The following DSTYK variants were observed in gnomAD, a reference collection of about 807,000 sequenced individuals.
The protein encoded by DSTYK is RIP-homologous kinase.
In DSTYK, 34 loss-of-function variants were observed where a neutral mutation model predicts 98.7. The ratio of observed to expected loss-of-function variants is 0.34; its 90% CI spans 0.26 to 0.46. The LOEUF is 0.46. DSTYK is among the 20% of genes least tolerant of loss of function. The pLI is 1.00. For synonymous variants in DSTYK, 462 were observed against 457.3 expected, an observed-to-expected ratio of 1.01 and a Z score of -0.13; for missense variants, 962 against 1,181.7, an observed-to-expected ratio of 0.81 and a Z score of 2.73.
intron 1 of DSTYK, among the ~76,000 whole-genome samples, chr1:205,193,731 C>T (rs945813434): frequency 6.6e-6 from 1 of 151,966 alleles, no homozygotes; most frequent in Admixed American, 6.6e-5. Flanking sequence ...ATTAGCCAGG[C>T]GTGGTAGCAT....
In DSTYK at chr1:205,147,694, A is replaced by G; in HGVS notation, c.2654T>C (p.Met885Thr). 6.2e-7 allele frequency: 1 copy of G among 1,614,166 alleles called. No homozygotes were observed. The highest frequency in any genetic ancestry group is 8.5e-7 in the Non-Finnish European group (1 of 1,180,022). The change falls in exon 13 of 13, where the codon ATG becomes ACG. Residue 885 changes from methionine to threonine, a missense_variant. This residue lies in a region of DSTYK where 65 missense variants were observed against 63.9 expected (regional missense o/e 1.02). Coordinates refer to ENST00000367162, the MANE Select transcript of DSTYK (RefSeq NM_015375.3). ...GGGGTCGCCATCCCAACAGGCTTCC[A>G]TCAACTGCCAGCACTCCTCATCAAA... is the stretch of plus-strand genomic sequence containing the variant. ...PVFDEECWQL[M>T]EACWDGDPLK...
intron 9 of DSTYK, among the ~76,000 whole-genome samples, chr1:205,158,745 A>T (rs1168322523): frequency 6.6e-6 from 1 of 152,034 alleles, no homozygotes; most frequent in Non-Finnish European, 1.5e-5. Context: ...AATTCTACCC[A>T]TCATGGTATA....
intron 2 of DSTYK, among the ~76,000 whole-genome samples, chr1:205,170,554 C>T (rs1658028423): frequency 6.6e-6 from 1 of 152,142 alleles, no homozygotes; most frequent in South Asian, 2.1e-4. Context: ...AAGCAGGAAA[C>T]GAAAAGCCAG....
chr1:205,147,533 G>T lies in DSTYK; in HGVS notation c.*25C>A. 1 of 1,594,094 alleles carries T rather than the reference G, an allele frequency of 6.3e-7. No homozygotes were observed. The highest frequency in any genetic ancestry group is 1.1e-5 in the South Asian group (1 of 90,514). ...GGTGAGGGGGAAGGAAATAACTAGA[G>T]AGTGAAAGAGAAAGGTCTTTGCTTT... On this transcript the variant is annotated 3_prime_UTR_variant, in exon 13 of 13. Coordinates refer to ENST00000367162, the MANE Select transcript of DSTYK (RefSeq NM_015375.3).
chr1:205,199,365 T>C (rs893865385), intron 1 of DSTYK, among the ~76,000 whole-genome samples: 3 of 152,226 alleles, frequency 2.0e-5, no homozygotes, highest in Admixed American at 6.6e-5. Context: ...GGGATACTGA[T>C]GAGTCTCCAT....
intron 2 of DSTYK, among the ~76,000 whole-genome samples, chr1:205,177,408 T>C (rs1658263770): frequency 6.6e-6 from 1 of 152,224 alleles, no homozygotes; most frequent in Non-Finnish European, 1.5e-5. Flanking sequence ...TTACTTCCAA[T>C]TCTCCTCTCG....
intron 2 of DSTYK, among the ~76,000 whole-genome samples, chr1:205,177,832 G>A (rs1208075085): frequency 4.0e-5 from 6 of 150,822 alleles, no homozygotes; most frequent in African/African-American, 9.8e-5. Flanking sequence ...GTGCCACTGC[G>A]CTCCAGCCTG....
chr1:205,202,361 T>G, intron 1 of DSTYK: 2 of 723,228 alleles, frequency 2.8e-6, no homozygotes, highest in Non-Finnish European at 5.2e-6. Context: ...AGAAACAGCA[T>G]GTACCATTCC....
rs973061773 is a variant in DSTYK at position 205,145,426 on chromosome 1, A to T, written c.*2132T>A. The T allele has an allele frequency of 6.6e-6, 1 of 151,506 alleles. No individual in the cohort carries two copies. The highest frequency in any genetic ancestry group is 1.5e-5 in the Non-Finnish European group (1 of 67,920). 9.4% of individuals were successfully genotyped at this position (151,506 alleles called of 1,614,324 possible). ...AAGTTATATGAAAGACCCATTATAG[A>T]CTCCATTTATACTCCATTAATATTT... On this transcript the variant is annotated 3_prime_UTR_variant, in exon 13 of 13. Coordinates refer to ENST00000367162, the MANE Select transcript of DSTYK (RefSeq NM_015375.3).
chr1:205,185,387 A>G (rs1040707308), intron 2 of DSTYK, among the ~76,000 whole-genome samples: 1 of 151,608 alleles, frequency 6.6e-6, no homozygotes, highest in African/African-American at 2.4e-5. Flanking sequence ...TATTATTATT[A>G]TTTTTTTTAG....
At chr1:205,170,634 A>T (rs1658031566) in intron 2 of DSTYK, among the ~76,000 whole-genome samples, 1 of 152,228 alleles carries the variant, frequency 6.6e-6, no homozygotes, top group Admixed American at 6.5e-5. Context: ...ACCTAAGTCT[A>T]AGAAATACCT....
chr1:205,198,863 C>T (rs1351384375), intron 1 of DSTYK, among the ~76,000 whole-genome samples: 2 of 147,708 alleles, frequency 1.4e-5, no homozygotes, highest in African/African-American at 2.5e-5. Context: ...GATGGAGCCT[C>T]GCTCTGTCGC....
Position 205,165,882 on chromosome 1 carries a change from T to TGTG in DSTYK, c.1325-1930_1325-1928dup, listed in dbSNP as rs1393243228. Among the ~76,000 whole-genome samples the TGTG allele has an allele frequency of 2.6e-5, 4 of 151,928 alleles. No homozygotes were observed. In the East Asian group the frequency reaches 7.7e-4, roughly 29 times the overall value. On this transcript the variant is annotated intron_variant, in intron 3 of 12. Transcript: ENST00000367162. Reference sequence around the variant, plus strand: ...GATGGTGCACACCTTTAGACCCAGGTGTGATGGTGCACACCTTTAGACCCA... The same window carrying TGTG: ...GATGGTGCACACCTTTAGACCCAGGTGTGGTGATGGTGCACACCTTTAGACCCA...
At chr1:205,166,825 T>C (rs1657904049) in intron 3 of DSTYK, among the ~76,000 whole-genome samples, 1 of 152,188 alleles carries the variant, frequency 6.6e-6, no homozygotes, top group Admixed American at 6.5e-5. Context: ...CCATACTTCC[T>C]TTGTATTTAT....
intron 2 of DSTYK, among the ~76,000 whole-genome samples, chr1:205,182,165 C>T (rs11240378): frequency 0.46 from 69,150 of 151,438 alleles, 19,186 homozygotes; most frequent in Non-Finnish European, 0.61. Flanking sequence ...CTTTGGGAGG[C>T]CGAGGCAGGC....
At chr1:205,202,309 A>G in intron 1 of DSTYK, 1 of 676,422 alleles carries the variant, frequency 1.5e-6, no homozygotes, top group East Asian at 3.4e-5. Flanking sequence ...AAGGGTATGC[A>G]TATACGAAAA....
chr1:205,153,706 G>A (rs78558763), intron 10 of DSTYK, among the ~76,000 whole-genome samples: 2 of 94,032 alleles, frequency 2.1e-5, no homozygotes, highest in African/African-American at 8.4e-5. Flanking sequence ...CTTACTTTTT[G>A]TGTGTGTGTG....
rs767549596 is a variant in DSTYK, at chr1:205,150,778, C to T, written c.2369G>A (p.Arg790His). ...LKNVLLDKQN[R>H]AKITDLGFCK... ...GAATCCTAAGTCAGTGATCTTGGCA[C>T]GGTTCTGCTTATCCAGCTGCCAACA... The change falls in exon 11 of 13, where the codon CGT (arginine) becomes CAT (histidine). Residue 790 changes from arginine (R) to histidine (H), a missense_variant. Physicochemically the swap from Arg to His is conservative, Grantham distance 29. This residue lies in a region of DSTYK where 69 missense variants were observed against 142.9 expected (regional missense o/e 0.48). Transcript: ENST00000367162. This position sits in a 1 kb window ranked among gnomAD's most constrained non-coding sequence, Gnocchi z 4.1. The T allele has an allele frequency of 2.2e-5, 35 of 1,613,944 alleles. No homozygotes were observed. The highest frequency in any genetic ancestry group is 5.0e-5 in the Admixed American group (3 of 59,996).
At chr1:205,171,736 C>T (rs6680502) in intron 2 of DSTYK, among the ~76,000 whole-genome samples, 1 of 152,182 alleles carries the variant, frequency 6.6e-6, no homozygotes, top group African/African-American at 2.4e-5. Flanking sequence ...ACACAGACTC[C>T]TGATGTCTTC....
Sources: allele counts gnomAD v4.1 joint callset (sites outside exome capture counted in the v4.1 genomes callset), GRCh38; gene constraint gnomAD v4.1.1; regional missense constraint gnomAD v4.1.1; non-coding constraint Gnocchi (gnomAD v3.1); transcripts MANE v1.5; gene names NCBI Gene and HGNC (gene_info 2026-07-23, HGNC 2026-07-21).